Variants in LCLAT1 observed in about 807,000 individuals in gnomAD.
LCLAT1 encodes 1-AGP acyltransferase 8.
In LCLAT1, 11 loss-of-function variants were observed where a neutral mutation model predicts 30.7. The observed-to-expected ratio is 0.36, with a 90% CI of 0.23 to 0.59. The LOEUF is 0.59. Ranked by LOEUF, LCLAT1 falls within the 20% of genes least tolerant of loss-of-function variation. The probability of loss-of-function intolerance (pLI) is 0.77; values close to 1 mark genes in which losing one functional copy is unlikely to be tolerated. For synonymous variants in LCLAT1, 155 were observed against 151.3 expected (o/e 1.02, Z -0.18); for missense variants, 402 against 458.6 (o/e 0.88, Z 1.13).
At chr2:30,507,106 A>T (rs971564446) in intron 1 of LCLAT1, among the ~76,000 whole-genome samples, 3 of 152,156 alleles carry the variant, frequency 2.0e-5, no homozygotes, top group Non-Finnish European at 2.9e-5. Flanking sequence ...TATATGCAAT[A>T]ATTGACGTTA....
At chr2:30,460,139 C>G (rs149575022) in intron 1 of LCLAT1, among the ~76,000 whole-genome samples, 48 of 152,208 alleles carry the variant, frequency 3.2e-4, no homozygotes, top group African/African-American at 1.1e-3. Flanking sequence ...AGCTAGTATC[C>G]TCCTTTTGAA....
chr2:30,533,464 T>C, intron 3 of LCLAT1, 150 bp downstream of exon 3: 1 of 674,874 alleles, frequency 1.5e-6, no homozygotes. Context: ...GTGGATCTGC[T>C]ATGGCAGATG....
intron 1 of LCLAT1, among the ~76,000 whole-genome samples, chr2:30,483,440 G>A (rs1386620534): frequency 6.6e-6 from 1 of 152,152 alleles, no homozygotes; most frequent in African/African-American, 2.4e-5. Flanking sequence ...TAGTAACTCT[G>A]ATTATATGAT....
Position 30,577,787 on chromosome 2 carries a change from ATTC to A in LCLAT1, c.628+9632_628+9634del, listed in dbSNP as rs148353400. On this transcript the variant is annotated intron_variant, in intron 5 of 5. Coordinates refer to ENST00000379509, the MANE Select transcript of LCLAT1 (RefSeq NM_001002257.3). ...TGACAGCTAGCTTCATATTTGTGCT[ATTC>A]TTCTTCTTCTTCTTCTTCTTTGTCT... is the stretch of plus-strand genomic sequence containing the variant. Among the ~76,000 whole-genome samples, 578 of 150,626 alleles carry A rather than the reference ATTC, an allele frequency of 3.8e-3. 1 individual carries two copies. The highest frequency in any genetic ancestry group is 5.8e-3 in the Non-Finnish European group (390 of 67,488).
At chr2:30,540,721 A>G (rs978737420) in intron 3 of LCLAT1, among the ~76,000 whole-genome samples, 16 of 150,884 alleles carry the variant, frequency 1.1e-4, no homozygotes, top group South Asian at 8.3e-4. Context: ...CTAGAGTGCA[A>G]TGGCACAATC....
At chr2:30,524,601 G>T (rs1261197629) in intron 1 of LCLAT1, among the ~76,000 whole-genome samples, 1 of 152,106 alleles carries the variant, frequency 6.6e-6, no homozygotes, top group Non-Finnish European at 1.5e-5. Context: ...CTCTCTCGTC[G>T]CATCCAGGAC....
At chr2:30,538,532 G>T (rs1252633) in intron 3 of LCLAT1, among the ~76,000 whole-genome samples, 14,491 of 152,044 alleles carry the variant, frequency 0.095, 735 homozygotes, top group East Asian at 0.12. Flanking sequence ...CTCCTTGGGA[G>T]GCTGAGGCAG....
At chr2:30,609,064 T>C (rs1667608154) in intron 5 of LCLAT1, among the ~76,000 whole-genome samples, 1 of 152,166 alleles carries the variant, frequency 6.6e-6, no homozygotes, top group Admixed American at 6.5e-5. Flanking sequence ...ATGCCTGATA[T>C]TTTCTGGGTT....
chr2:30,524,387 A>G (rs944417287), intron 1 of LCLAT1, among the ~76,000 whole-genome samples: 1 of 152,236 alleles, frequency 6.6e-6, no homozygotes, highest in Non-Finnish European at 1.5e-5. Flanking sequence ...GGATTTTAAA[A>G]AATTTCAATG....
chr2:30,578,119 A>G (rs907300588), intron 5 of LCLAT1, among the ~76,000 whole-genome samples: 1 of 152,128 alleles, frequency 6.6e-6, no homozygotes, highest in African/African-American at 2.4e-5. Flanking sequence ...CTTTGAAGTG[A>G]CAGATTTCCT....
chr2:30,478,628 A>G (rs1683161554), intron 1 of LCLAT1, among the ~76,000 whole-genome samples: 1 of 152,170 alleles, frequency 6.6e-6, no homozygotes, highest in Non-Finnish European at 1.5e-5. Context: ...TGATTGTGCC[A>G]CTGCACTCCA....
At chr2:30,638,638 T>C (rs1042135613) in intron 5 of LCLAT1, among the ~76,000 whole-genome samples, 2 of 152,214 alleles carry the variant, frequency 1.3e-5, no homozygotes, top group Admixed American at 6.5e-5. Context: ...CGGCCTCTTA[T>C]AAAGAATTGG....
At chr2:30,546,868 A>T (rs1228446555) in intron 3 of LCLAT1, among the ~76,000 whole-genome samples, 1 of 152,076 alleles carries the variant, frequency 6.6e-6, no homozygotes, top group Non-Finnish European at 1.5e-5. Flanking sequence ...TTTTTAATTC[A>T]ACACAATTTC....
chr2:30,539,062 C>T (rs1223073150), intron 3 of LCLAT1, among the ~76,000 whole-genome samples: 5 of 151,322 alleles, frequency 3.3e-5, no homozygotes, highest in Middle Eastern at 3.4e-3. Flanking sequence ...CTGGTTCAAG[C>T]GATTTTCCTG....
chr2:30,590,518 T>A (rs1049797606), intron 5 of LCLAT1, among the ~76,000 whole-genome samples: 13 of 147,134 alleles, frequency 8.8e-5, no homozygotes, highest in African/African-American at 3.0e-4. Flanking sequence ...TGGACATATT[T>A]TATATATATA....
At chr2:30,447,444 A>C (rs1681309052) in intron 1 of LCLAT1, 61 bp downstream of exon 1, 2 of 152,436 alleles carry the variant, frequency 1.3e-5, no homozygotes, top group African/African-American at 4.8e-5. Flanking sequence ...CGGCCGGGGG[A>C]TCTCAGAGGT....
At chr2:30,473,236 A>G (rs566315646) in intron 1 of LCLAT1, among the ~76,000 whole-genome samples, 3 of 152,308 alleles carry the variant, frequency 2.0e-5, no homozygotes, top group African/African-American at 7.2e-5. Context: ...ACAGTTGCAT[A>G]TGCTATTATG....
chr2:30,570,129 T>C (rs1558527097), intron 5 of LCLAT1, among the ~76,000 whole-genome samples: 1 of 152,174 alleles, frequency 6.6e-6, no homozygotes, highest in African/African-American at 2.4e-5. Context: ...CTGGAAAATA[T>C]TTTAGTAGCA....
intron 5 of LCLAT1, among the ~76,000 whole-genome samples, chr2:30,620,382 AGGC>A (rs1668185647): frequency 6.6e-6 from 1 of 152,214 alleles, no homozygotes; most frequent in African/African-American, 2.4e-5. Flanking sequence ...AAGTATTCTT[AGGC>A]TACTAGAGTT....
Sources: gnomAD v4.1 joint callset for allele counts (sites outside exome capture counted in the v4.1 genomes callset) on GRCh38, gnomAD v4.1.1 for gene constraint, MANE v1.5 for transcripts, NCBI Gene and HGNC (gene_info 2026-07-23, HGNC 2026-07-21) for gene names.